GLI3: variants seen among roughly 807,000 people sequenced by gnomAD.
GLI3 encodes the protein transcription activator GLI3.
GLI3 carries 20 observed loss-of-function variants against 100.8 expected under a neutral mutation model. That is an observed-to-expected ratio of 0.20 (90% CI 0.14 to 0.29). The LOEUF is 0.29. GLI3 is among the 10% of genes least tolerant of loss of function. The pLI is 1.00. For missense variants in GLI3, 2,040 were observed against 2,128.5 expected, an observed-to-expected ratio of 0.96 and a Z score of 0.82; for synonymous variants, 938 against 860.5, an observed-to-expected ratio of 1.09 and a Z score of -1.58.
intron 2 of GLI3, 118 bp downstream of exon 2, chr7:42,223,012 T>C: frequency 7.9e-7 from 1 of 1,272,766 alleles, no homozygotes; most frequent in Non-Finnish European, 1.1e-6. Context: ...TCCATTTGCT[T>C]TCTTTAGCGT....
intron 4 of GLI3, among the ~76,000 whole-genome samples, chr7:42,071,240 A>AG (rs1352977046): frequency 6.6e-6 from 1 of 152,004 alleles, no homozygotes; most frequent in East Asian, 1.9e-4. Context: ...GGAGTGTTTT[A>AG]GGGTTTGCTA....
intron 2 of GLI3, among the ~76,000 whole-genome samples, chr7:42,176,861 T>C (rs1026193742): frequency 2.0e-5 from 3 of 152,126 alleles, no homozygotes; most frequent in African/African-American, 7.2e-5. Flanking sequence ...ACAGGATCGC[T>C]TCCCTCTCCC....
At chr7:42,193,531 C>G (rs1289821315) in intron 2 of GLI3, among the ~76,000 whole-genome samples, 1 of 152,166 alleles carries the variant, frequency 6.6e-6, no homozygotes. Flanking sequence ...TTAAAAGTCT[C>G]CACATAAAAT....
At chr7:42,149,865 A>C (rs953265943) in intron 2 of GLI3, among the ~76,000 whole-genome samples, 1 of 152,248 alleles carries the variant, frequency 6.6e-6, no homozygotes, top group Non-Finnish European at 1.5e-5. Context: ...TTCAGAAGAA[A>C]GTAGAACTGT....
At chr7:42,213,686 T>C (rs1788315240) in intron 2 of GLI3, among the ~76,000 whole-genome samples, 2 of 152,374 alleles carry the variant, frequency 1.3e-5, no homozygotes, top group South Asian at 4.1e-4. Flanking sequence ...ATCCAGAAGC[T>C]GTTATCACAG....
At chr7:41,970,598 C>T (rs577536199) in intron 13 of GLI3, among the ~76,000 whole-genome samples, 1 of 152,118 alleles carries the variant, frequency 6.6e-6, no homozygotes, top group Non-Finnish European at 1.5e-5. Flanking sequence ...AAATATTTCA[C>T]ACATTGGGAC....
At chr7:42,034,540 C>T (rs778974850) in intron 7 of GLI3, among the ~76,000 whole-genome samples, 26 of 152,156 alleles carry the variant, frequency 1.7e-4, no homozygotes, top group Admixed American at 1.3e-3. Context: ...GTGTCGCCAA[C>T]CTTGTGCTTT....
At chr7:42,023,633 G>A in intron 9 of GLI3, 25 bp from the exon 10 acceptor site, 1 of 1,588,782 alleles carries the variant, frequency 6.3e-7, no homozygotes, top group Non-Finnish European at 8.6e-7. Context: ...TGGGGGGCAG[G>A]GAACAGAGAA....
At position 41,988,277 on chromosome 7, in the gene GLI3, C is replaced by G. The variant is rs142591478; in HGVS notation, c.1498-9529G>C. Among the ~76,000 whole-genome samples, 712 of 152,136 alleles carry G rather than the reference C, an allele frequency of 4.7e-3. 3 individuals are homozygous for G. Among genetic ancestry groups the G allele is most frequent in the Non-Finnish European group, 8.5e-3 (580 of 67,984 alleles). On this transcript the variant is annotated intron_variant, in intron 10 of 14. Transcript: ENST00000395925. ...AGGAGTTTGAGACCAGCCTGGCCAA[C>G]GTGGTGAAACCCTGTCTCTACTAAA...
At chr7:42,105,052 AAGAAACAC>A (rs1785544391) in intron 3 of GLI3, among the ~76,000 whole-genome samples, 1 of 152,238 alleles carries the variant, frequency 6.6e-6, no homozygotes, top group South Asian at 2.1e-4. Context: ...AATTTATCCA[AAGAAACAC>A]TGTGAAATTG....
At chr7:42,140,832 A>T (rs1485687180) in intron 3 of GLI3, among the ~76,000 whole-genome samples, 1 of 152,202 alleles carries the variant, frequency 6.6e-6, no homozygotes, top group African/African-American at 2.4e-5. Flanking sequence ...AGGGCCGAGG[A>T]TAATGTTGCC....
intron 10 of GLI3, 22 bp downstream of exon 10, chr7:42,023,446 T>G: frequency 2.5e-6 from 4 of 1,613,812 alleles, no homozygotes; most frequent in Non-Finnish European, 3.4e-6. Flanking sequence ...TAAAGCTCGG[T>G]TCCTGAATAC....
At position 41,967,838 on chromosome 7, in the gene GLI3, A is replaced by C. The variant is rs375779498; in HGVS notation, c.2189T>G (p.Leu730Arg). 1.9e-6 allele frequency: 3 copies of C among 1,614,082 alleles called. No individual in the cohort carries two copies. Among genetic ancestry groups the C allele is most frequent in the Non-Finnish European group, 2.5e-6 (3 of 1,179,972 alleles). Residue 730 changes from leucine (L) to arginine (R), a missense_variant, in exon 14 of 15, where the codon CTT becomes CGT. Leu to Arg is a moderately radical substitution (Grantham distance 102). Transcript: ENST00000395925. ...TATACTACCTCCATCGGTCAGAGGA[A>C]GCTCGAGCCCACTGTTGGAATAGTT... ...ISNYSNSGLE[L>R]PLTDGGSIGD...
intron 10 of GLI3, among the ~76,000 whole-genome samples, chr7:42,016,545 G>A (rs1054163659): frequency 3.9e-5 from 6 of 152,136 alleles, no homozygotes; most frequent in African/African-American, 1.2e-4. Flanking sequence ...GTTTTATGTG[G>A]TAAAAGTCAC....
chr7:42,132,697 C>A (rs1786322348), intron 3 of GLI3, among the ~76,000 whole-genome samples: 1 of 152,194 alleles, frequency 6.6e-6, no homozygotes, highest in Admixed American at 6.5e-5. Flanking sequence ...TATAACCTCT[C>A]AGTGGATTAC....
At chr7:42,098,984 G>A (rs952522860) in intron 3 of GLI3, among the ~76,000 whole-genome samples, 5 of 152,190 alleles carry the variant, frequency 3.3e-5, no homozygotes, top group African/African-American at 1.2e-4. Context: ...AAGAGCTGTC[G>A]CCATTCATCC....
intron 13 of GLI3, among the ~76,000 whole-genome samples, chr7:41,968,686 GAAGAAAGAAAGA>G (rs748578300): frequency 5.2e-5 from 4 of 76,200 alleles, no homozygotes; most frequent in Admixed American, 1.7e-4. Context: ...AAGAAAGAAA[GAAGAAAGAAAGA>G]AAGAAAGAAA....
At chr7:41,977,817 A>G (rs1787549743) in intron 11 of GLI3, 95 bp from the exon 12 acceptor site, 1 of 1,127,056 alleles carries the variant, frequency 8.9e-7, no homozygotes. Flanking sequence ...CTGATGTTTC[A>G]AGGGTCAGCA....
At chr7:42,178,098 G>A (rs1051121451) in intron 2 of GLI3, among the ~76,000 whole-genome samples, 1 of 152,200 alleles carries the variant, frequency 6.6e-6, no homozygotes, top group South Asian at 2.1e-4. Context: ...TGAATGTGCT[G>A]CCTCTGGGCC....
Sources: gnomAD v4.1 joint callset for allele counts (sites outside exome capture counted in the v4.1 genomes callset) on GRCh38, gnomAD v4.1.1 for gene constraint, MANE v1.5 for transcripts, NCBI Gene and HGNC (gene_info 2026-07-23, HGNC 2026-07-21) for gene names.